DYRK2: variants seen among roughly 807,000 people sequenced by gnomAD.
DYRK2 encodes dual specificity tyrosine phosphorylation regulated kinase 2, also known as dual specificity tyrosine-phosphorylation-regulated kinase 2.
DYRK2 carries 12 observed loss-of-function variants against 41.6 expected under a neutral mutation model. That is an observed-to-expected ratio of 0.29 (90% confidence interval 0.18 to 0.47). The LOEUF (loss-of-function observed/expected upper bound fraction) is 0.47, where lower values mean the gene tolerates loss of function less well. Ranked by LOEUF, DYRK2 falls within the 20% of genes least tolerant of loss-of-function variation. The probability of loss-of-function intolerance (pLI) is 1.00; values close to 1 mark genes in which losing one functional copy is unlikely to be tolerated. For missense variants in DYRK2, 678 were observed against 798.4 expected (o/e 0.85, Z 1.82); for synonymous variants, 322 against 315.7 (o/e 1.02, Z -0.21).
At chr12:67,653,632 G>A (rs1054984946) in intron 2 of DYRK2, among the ~76,000 whole-genome samples, 3 of 152,184 alleles carry the variant, frequency 2.0e-5, no homozygotes, top group Admixed American at 6.5e-5. Context: ...CACCAGGGAC[G>A]TTTCTTAATT....
In DYRK2 at chr12:67,664,365, G is replaced by T. The variant is rs992509050; in HGVS notation, c.*5652G>T. Reference sequence around the variant, plus strand: ...CTTCTGAAGAAAGCTGACATTTTAGGAGTATTAAGTCATCTGTCGTTAAGG... The same window carrying T: ...CTTCTGAAGAAAGCTGACATTTTAGTAGTATTAAGTCATCTGTCGTTAAGG... On this transcript the variant is annotated 3_prime_UTR_variant, in exon 3 of 3. Coordinates refer to ENST00000344096, the MANE Select transcript of DYRK2 (RefSeq NM_006482.3). 5 of 152,010 alleles carry T rather than the reference G, an allele frequency of 3.3e-5. No individual in the cohort carries two copies. Among genetic ancestry groups the T allele is most frequent in the Admixed American group, 6.6e-5 (1 of 15,244 alleles). The allele number at this position is 152,010 out of a possible 1,614,324, so 9.4% of individuals were successfully genotyped here.
chr12:67,665,237 C>A lies in DYRK2; in HGVS notation c.*6524C>A, dbSNP rs1872715078. On this transcript the variant is annotated 3_prime_UTR_variant, in exon 3 of 3. Transcript: ENST00000344096. ...GTTTGAGGAGTTTTATATATTAAGGCTATTTCTTCATTTGTAAAAATGAAG... is the reference window on the plus strand; with the variant it reads ...GTTTGAGGAGTTTTATATATTAAGGATATTTCTTCATTTGTAAAAATGAAG... 1 of 152,052 alleles carries A rather than the reference C, an allele frequency of 6.6e-6. No homozygotes were observed. Among genetic ancestry groups the A allele is most frequent in the African/African-American group, 2.4e-5 (1 of 41,402 alleles). The allele number at this position is 152,052 out of a possible 1,614,324, so 9.4% of individuals were successfully genotyped here. A position where few individuals can be genotyped will look rare whatever the true frequency, so the allele number is the denominator to read the frequency against.
In DYRK2 at chr12:67,649,840, G is replaced by T. The variant is rs771339249; in HGVS notation, c.93G>T (p.Pro31=). The T allele has an allele frequency of 1.5e-5, 20 of 1,330,398 alleles. No homozygotes were observed. Among genetic ancestry groups the T allele is most frequent in the Middle Eastern group, 4.5e-4 (2 of 4,454 alleles). The allele number at this position is 1,330,398 out of a possible 1,614,324, so 82.4% of individuals were successfully genotyped here. A position where few individuals can be genotyped will look rare whatever the true frequency, so the allele number is the denominator to read the frequency against. Residue 31 remains proline, a synonymous_variant, in exon 2 of 3, where the codon CCG becomes CCT. Transcript: ENST00000344096. ...CCGTTCGTCAGCTTCAGGCTTCCCC[G>T]GGGCTCGGTGCAGGGGCCACCCGGA... ...DSAVRQLQAS[P]GLGAGATRSG...
Position 67,658,404 on chromosome 12 carries a change from G to T in DYRK2, c.1497G>T (p.Ala499=), listed in dbSNP as rs1266889347. ...GPPESREWGN[A]LKGCDDPLFL... Reference sequence around the variant, plus strand: ...CGGAGAGCAGAGAGTGGGGGAACGCGCTGAAGGGGTGTGATGATCCCCTTT... The same window carrying T: ...CGGAGAGCAGAGAGTGGGGGAACGCTCTGAAGGGGTGTGATGATCCCCTTT... Residue 499 remains alanine (A), a synonymous_variant, in exon 3 of 3, where the codon GCG becomes GCT. Coordinates refer to ENST00000344096, the MANE Select transcript of DYRK2 (RefSeq NM_006482.3). This position sits in a 1 kb window ranked among gnomAD's most constrained non-coding sequence, Gnocchi z 4.3. 1.3e-6 allele frequency: 2 copies of T among 1,598,214 alleles called. No individual in the cohort carries two copies. The highest frequency in any genetic ancestry group is 1.7e-6 in the Non-Finnish European group (2 of 1,172,882).
Position 67,659,245 on chromosome 12 carries a change from T to TA in DYRK2, c.*533dup, listed in dbSNP as rs1348019017. The TA allele has an allele frequency of 2.4e-5, 4 of 167,056 alleles. No individual in the cohort carries two copies. Among genetic ancestry groups the TA allele is most frequent in the Non-Finnish European group, 5.9e-5 (4 of 68,128 alleles). The allele number at this position is 167,056 out of a possible 1,614,324, so 10.3% of individuals were successfully genotyped here. Reference sequence around the variant, plus strand: ...TGACATTCTAAGAAAAACTGTACCTTAGAGATTTTCCTCTAGTGCTCAAAC... The same window carrying TA: ...TGACATTCTAAGAAAAACTGTACCTTAAGAGATTTTCCTCTAGTGCTCAAAC... On this transcript the variant is annotated 3_prime_UTR_variant, in exon 3 of 3. Coordinates refer to ENST00000344096, the MANE Select transcript of DYRK2 (RefSeq NM_006482.3).
chr12:67,662,635 T>G lies in DYRK2; in HGVS notation c.*3922T>G, dbSNP rs966435189. 1.2e-5 allele frequency: 2 copies of G among 166,604 alleles called. No homozygotes were observed. Among genetic ancestry groups the G allele is most frequent in the Non-Finnish European group, 2.9e-5 (2 of 68,082 alleles). 10.3% of individuals were successfully genotyped at this position (166,604 alleles called of 1,614,324 possible). ...TTTTATTGTTGTGGCCAGAGATAATTTCAGAATAAAATTTTAATGTCCTAC... is the reference window on the plus strand; with the variant it reads ...TTTTATTGTTGTGGCCAGAGATAATGTCAGAATAAAATTTTAATGTCCTAC... On this transcript the variant is annotated 3_prime_UTR_variant, in exon 3 of 3. Transcript: ENST00000344096.
intron 2 of DYRK2, among the ~76,000 whole-genome samples, chr12:67,650,595 G>A (rs1023472052): frequency 1.3e-4 from 20 of 152,232 alleles, no homozygotes; most frequent in African/African-American, 4.6e-4. Flanking sequence ...AAGGGCAAGC[G>A]TTGCTTTGGA....
chr12:67,654,817 C>G (rs147344813), intron 2 of DYRK2, among the ~76,000 whole-genome samples: 1 of 152,160 alleles, frequency 6.6e-6, no homozygotes, highest in Non-Finnish European at 1.5e-5. Context: ...TGTGTGTCTT[C>G]CACTCAGGAG....
chr12:67,649,057 G>A lies in DYRK2; in HGVS notation c.-77G>A. 1 of 1,296,048 alleles carries A rather than the reference G, an allele frequency of 7.7e-7. No homozygotes were observed. The highest frequency in any genetic ancestry group is 1.7e-5 in the South Asian group (1 of 58,714). 80.3% of individuals were successfully genotyped at this position (1,296,048 alleles called of 1,614,324 possible). ...CGCGAGGGGCGGCCGGGAGGCGGCG[G>A]CGGCGGCCGCCAGAAGTAGCAGCAG... On this transcript the variant is annotated 5_prime_UTR_variant, in exon 1 of 3. Transcript: ENST00000344096.
At chr12:67,652,619 C>T (rs954945027) in intron 2 of DYRK2, 1 of 152,036 alleles carries the variant, frequency 6.6e-6, no homozygotes, top group Non-Finnish European at 1.5e-5. Context: ...AGTTTTTAAA[C>T]GCCCAAGACT....
rs776478421 is a variant in DYRK2, at chr12:67,657,292, A to G, written c.385A>G (p.Ser129Gly). 1.2e-6 allele frequency: 2 copies of G among 1,614,010 alleles called. No individual in the cohort carries two copies. The highest frequency in any genetic ancestry group is 1.7e-5 in the Admixed American group (1 of 59,990). The change falls in exon 3 of 3, where the codon AGC (serine) becomes GGC (glycine). Residue 129 changes from serine to glycine, a missense_variant. Physicochemically the swap from Ser to Gly is moderately conservative, Grantham distance 56. Around this residue, in one of 2 missense-constraint regions of DYRK2, gnomAD observed 285 missense variants for 279.2 expected, o/e 1.02. Coordinates refer to ENST00000344096, the MANE Select transcript of DYRK2 (RefSeq NM_006482.3). This position sits in a 1 kb window ranked among gnomAD's most constrained non-coding sequence, Gnocchi z 4.8. ...AGTGGTGCCAGAGCGGCAGCTGGACAGCATTCATAGACGGCAGGGGAGCTC... is the reference window on the plus strand; with the variant it reads ...AGTGGTGCCAGAGCGGCAGCTGGACGGCATTCATAGACGGCAGGGGAGCTC... ...LPVVPERQLD[S>G]IHRRQGSSTS...
Position 67,662,037 on chromosome 12 carries a change from C to G in DYRK2, c.*3324C>G, listed in dbSNP as rs141354957. 1 of 166,212 alleles carries G rather than the reference C, an allele frequency of 6.0e-6. No homozygotes were observed. The highest frequency in any genetic ancestry group is 2.4e-5 in the African/African-American group (1 of 41,402). The allele number at this position is 166,212 out of a possible 1,614,324, so 10.3% of individuals were successfully genotyped here. ...TTGGGGTCGTGTTAAATGACTCCAT[C>G]AGAATGTTAGAAAACACTTTAGGCA... On this transcript the variant is annotated 3_prime_UTR_variant, in exon 3 of 3. Transcript: ENST00000344096.
Position 67,658,268 on chromosome 12 carries a change from A to G in DYRK2, c.1361A>G (p.Asn454Ser), listed in dbSNP as rs943106175. 15 of 1,614,164 alleles carry G rather than the reference A, an allele frequency of 9.3e-6. No individual in the cohort carries two copies. The highest frequency in any genetic ancestry group is 1.3e-5 in the Non-Finnish European group (15 of 1,180,028). Residue 454 changes from asparagine (N) to serine (S), a missense_variant, in exon 3 of 3, where the codon AAT becomes AGT. Asn to Ser is a conservative substitution (Grantham distance 46, BLOSUM62 1). Around this residue, in one of 2 missense-constraint regions of DYRK2, gnomAD observed 393 missense variants for 519.1 expected, o/e 0.76. Coordinates refer to ENST00000344096, the MANE Select transcript of DYRK2 (RefSeq NM_006482.3). This position sits in a 1 kb window ranked among gnomAD's most constrained non-coding sequence, Gnocchi z 4.3. ...KLLDASKRAK[N>S]FVSSKGYPRY... ...CTGGATGCATCCAAACGAGCCAAAA[A>G]TTTTGTGAGCTCCAAGGGTTATCCC...
At position 67,658,038 on chromosome 12, in the gene DYRK2, G is replaced by C. The variant is rs374322116; in HGVS notation, c.1131G>C (p.Gln377His). ...IDFGSSCYEH[Q>H]RVYTYIQSRF... ...TTGGCTCCAGTTGTTACGAGCATCA[G>C]CGTGTCTACACGTACATCCAGTCGC... Residue 377 changes from glutamine (Q) to histidine (H), a missense_variant, in exon 3 of 3, where the codon CAG becomes CAC. This residue lies in a region of DYRK2 where 393 missense variants were observed against 519.1 expected (regional missense o/e 0.76). Transcript: ENST00000344096. The surrounding 1 kb of genome is among the most constrained non-coding windows in gnomAD (Gnocchi z 4.3). 3 of 1,614,114 alleles carry C rather than the reference G, an allele frequency of 1.9e-6. No individual in the cohort carries two copies. The African/African-American group carries it at 4.0e-5, about 22-fold the overall frequency.
rs1872574523 is a variant in DYRK2, at chr12:67,659,742, A to C, written c.*1029A>C. On this transcript the variant is annotated 3_prime_UTR_variant, in exon 3 of 3. Transcript: ENST00000344096. ...AGTGAGTTCACACTTTTCAGGTGCC[A>C]CTGTAAGGTTCTCTCAGCCTGGGAA... is the stretch of plus-strand genomic sequence containing the variant. The C allele has an allele frequency of 6.0e-6, 1 of 167,086 alleles. No individual in the cohort carries two copies. The highest frequency in any genetic ancestry group is 6.5e-5 in the Admixed American group (1 of 15,286). The allele number at this position is 167,086 out of a possible 1,614,324, so 10.4% of individuals were successfully genotyped here. A position where few individuals can be genotyped will look rare whatever the true frequency, so the allele number is the denominator to read the frequency against.
At chr12:67,649,409 G>GGCCCGGGCGGGGACC (rs1292922765) in intron 1 of DYRK2, among the ~76,000 whole-genome samples, 1 of 151,772 alleles carries the variant, frequency 6.6e-6, no homozygotes, top group African/African-American at 2.4e-5. Context: ...GCCTGCCGGG[G>GGCCCGGGCGGGGACC]GCCCGGGCGG....
At position 67,649,858 on chromosome 12, in the gene DYRK2, C is replaced by A. The variant is rs1872259691; in HGVS notation, c.111C>A (p.Ala37=). 1.5e-6 allele frequency: 2 copies of A among 1,367,318 alleles called. No individual in the cohort carries two copies. The highest frequency in any genetic ancestry group is 2.8e-5 in the East Asian group (1 of 35,948). 84.7% of individuals were successfully genotyped at this position (1,367,318 alleles called of 1,614,324 possible). ...CTTCCCCGGGGCTCGGTGCAGGGGC[C>A]ACCCGGAGCGGAGTGGGGACTGGCC... is the stretch of plus-strand genomic sequence containing the variant. ...LQASPGLGAG[A]TRSGVGTGPP... is the part of the protein sequence containing the mutation. The change falls in exon 2 of 3, where the codon GCC becomes GCA. Residue 37 remains alanine (A), a synonymous_variant. Coordinates refer to ENST00000344096, the MANE Select transcript of DYRK2 (RefSeq NM_006482.3).
In DYRK2 at chr12:67,657,849, G is replaced by A; in HGVS notation, c.942G>A (p.Lys314=). The A allele has an allele frequency of 1.2e-6, 2 of 1,614,230 alleles. No homozygotes were observed. The highest frequency in any genetic ancestry group is 1.7e-6 in the Non-Finnish European group (2 of 1,180,036). Residue 314 remains lysine (K), a synonymous_variant, in exon 3 of 3, where the codon AAG becomes AAA. Coordinates refer to ENST00000344096, the MANE Select transcript of DYRK2 (RefSeq NM_006482.3). The surrounding 1 kb of genome is among the most constrained non-coding windows in gnomAD (Gnocchi z 4.8). The stretch of plus-strand genomic sequence containing the variant: ...TGAACCTCTATGAGCTCATCAAGAA[G>A]AATAAATTCCAGGGCTTCAGTCTGC... ...LSMNLYELIK[K]NKFQGFSLPL...
rs1483720597 is a variant in DYRK2, at chr12:67,662,185, T to C, written c.*3472T>C. 1 of 166,942 alleles carries C rather than the reference T, an allele frequency of 6.0e-6. No homozygotes were observed. Among genetic ancestry groups the C allele is most frequent in the East Asian group, 1.9e-4 (1 of 5,200 alleles). The allele number at this position is 166,942 out of a possible 1,614,324, so 10.3% of individuals were successfully genotyped here. On this transcript the variant is annotated 3_prime_UTR_variant, in exon 3 of 3. Transcript: ENST00000344096. ...GCAGAAGACTTTTTAAAAAAACTGATCTGGTCTCGGTAAAGGTTTTAATAT... is the reference window on the plus strand; with the variant it reads ...GCAGAAGACTTTTTAAAAAAACTGACCTGGTCTCGGTAAAGGTTTTAATAT...
Sources: gnomAD v4.1 joint callset for allele counts (sites outside exome capture counted in the v4.1 genomes callset) on GRCh38, gnomAD v4.1.1 for gene constraint, gnomAD v4.1.1 regional missense constraint, Gnocchi (gnomAD v3.1) non-coding constraint, MANE v1.5 for transcripts, NCBI Gene and HGNC (gene_info 2026-07-23, HGNC 2026-07-21) for gene names.